DLAT: variants seen among roughly 807,000 people sequenced by gnomAD.
DLAT encodes dihydrolipoamide S-acetyltransferase.
Under a neutral mutation model 68.0 loss-of-function variants are expected in DLAT, and 43 were observed. That is an observed-to-expected ratio of 0.63 (90% confidence interval 0.50 to 0.81). The LOEUF is 0.81. Ranked by LOEUF, DLAT falls within the 40% of genes least tolerant of loss-of-function variation. The pLI is 0.00. For missense variants in DLAT, 745 were observed against 815.4 expected, an observed-to-expected ratio of 0.91 and a Z score of 1.05; for synonymous variants, 265 against 288.6, an observed-to-expected ratio of 0.92 and a Z score of 0.83.
intron 11 of DLAT, among the ~76,000 whole-genome samples, chr11:112,057,660 C>A (rs587680414): frequency 2.0e-5 from 3 of 152,090 alleles, no homozygotes; most frequent in Non-Finnish European, 4.4e-5. Context: ...GTGAGGAAGC[C>A]GCGTAACAGA....
Position 112,041,065 on chromosome 11 carries a change from C to G in DLAT, c.1129+1668C>G, listed in dbSNP as rs143452406. On this transcript the variant is annotated intron_variant, in intron 7 of 13. Transcript: ENST00000280346. ...ATTTCAGTTTCAGTTGCTTATATGACCAACAATAAAGAATTAAATGAACAG... is the reference window on the plus strand; with the variant it reads ...ATTTCAGTTTCAGTTGCTTATATGAGCAACAATAAAGAATTAAATGAACAG... Among the ~76,000 whole-genome samples the G allele has an allele frequency of 6.6e-3, 1,004 of 152,168 alleles. 3 individuals are homozygous for G. The highest frequency in any genetic ancestry group is 0.011 in the Non-Finnish European group (772 of 67,998).
chr11:112,059,289 G>A (rs893039786), intron 11 of DLAT, among the ~76,000 whole-genome samples: 1 of 151,952 alleles, frequency 6.6e-6, no homozygotes, highest in Non-Finnish European at 1.5e-5. Context: ...GGTCAAGGCA[G>A]ACGGCAGGGG....
At chr11:112,044,906 G>T (rs1386465227) in intron 8 of DLAT, among the ~76,000 whole-genome samples, 3 of 151,998 alleles carry the variant, frequency 2.0e-5, no homozygotes, top group Admixed American at 2.0e-4. Context: ...ATGTTGGCGT[G>T]CACCTGTAGT....
At chr11:112,040,385 G>GT (rs1259596296) in intron 7 of DLAT, among the ~76,000 whole-genome samples, 1 of 152,042 alleles carries the variant, frequency 6.6e-6, no homozygotes, top group Admixed American at 6.6e-5. Context: ...ACTCTTCAGG[G>GT]TTCTTCCTTC....
intron 6 of DLAT, among the ~76,000 whole-genome samples, chr11:112,037,747 C>G (rs1272931508): frequency 6.8e-6 from 1 of 148,130 alleles, no homozygotes; most frequent in Non-Finnish European, 1.5e-5. Flanking sequence ...AGATACCATG[C>G]TTGTGGAAAG....
At chr11:112,048,938 A>G (rs587643047) in intron 10 of DLAT, among the ~76,000 whole-genome samples, 2 of 150,920 alleles carry the variant, frequency 1.3e-5, no homozygotes, top group East Asian at 3.9e-4. Flanking sequence ...AAATCAGGAA[A>G]CGTGAGTCAT....
At chr11:112,032,514 T>A (rs1159640540) in intron 4 of DLAT, 1 of 152,174 alleles carries the variant, frequency 6.6e-6, no homozygotes, top group African/African-American at 2.4e-5. Context: ...TATGGAATGC[T>A]TCACGAATTT....
At chr11:112,039,152 GT>G in intron 6 of DLAT, 91 bp from the exon 7 acceptor site, 1 of 1,226,872 alleles carries the variant, frequency 8.2e-7, no homozygotes, top group Non-Finnish European at 1.1e-6. Flanking sequence ...AATTAAAATA[GT>G]TTTAATTTAT....
intron 6 of DLAT, among the ~76,000 whole-genome samples, chr11:112,038,301 C>T (rs1239865311): frequency 5.9e-5 from 9 of 151,930 alleles, no homozygotes; most frequent in Non-Finnish European, 8.8e-5. Context: ...CGGGTTCAAG[C>T]AATTCTCCTG....
At chr11:112,031,687 C>T (rs781936722) in intron 4 of DLAT, among the ~76,000 whole-genome samples, 2 of 152,024 alleles carry the variant, frequency 1.3e-5, no homozygotes, top group African/African-American at 2.4e-5. Flanking sequence ...CATCCTCCCA[C>T]CTCAGCCTCC....
chr11:112,059,195 G>GA (rs1241881542), intron 11 of DLAT, among the ~76,000 whole-genome samples: 1 of 152,038 alleles, frequency 6.6e-6, no homozygotes, highest in African/African-American at 2.4e-5. Flanking sequence ...TACTTGCAGA[G>GA]ACTCAACTGC....
chr11:112,035,790 C>CT (rs781796619), intron 5 of DLAT, among the ~76,000 whole-genome samples: 2,714 of 106,682 alleles, frequency 0.025, 158 homozygotes, highest in African/African-American at 0.084. Flanking sequence ...CGCACCCAGC[C>CT]TTTTTTTTTT....
chr11:112,059,694 T>G (rs1427978560), intron 11 of DLAT, among the ~76,000 whole-genome samples: 1 of 152,090 alleles, frequency 6.6e-6, no homozygotes, highest in African/African-American at 2.4e-5. Flanking sequence ...TTCCCGGACC[T>G]CTCTTTGATT....
At chr11:112,061,266 C>T (rs1304215499) in intron 13 of DLAT, 92 bp downstream of exon 13, 2 of 1,395,072 alleles carry the variant, frequency 1.4e-6, no homozygotes, top group Non-Finnish European at 2.0e-6. Context: ...GCTCCAGGAA[C>T]CCCCTCAAAT....
intron 11 of DLAT, among the ~76,000 whole-genome samples, chr11:112,057,247 A>G (rs1864152011): frequency 6.6e-6 from 1 of 152,168 alleles, no homozygotes; most frequent in Non-Finnish European, 1.5e-5. Flanking sequence ...TCCCTATTCC[A>G]TGAGACACAA....
intron 11 of DLAT, among the ~76,000 whole-genome samples, chr11:112,057,798 C>T (rs982113871): frequency 3.3e-5 from 5 of 152,132 alleles, no homozygotes; most frequent in Admixed American, 1.3e-4. Context: ...CCTCATCAGT[C>T]GGCAGCCATC....
chr11:112,038,981 C>CCA (rs1862915050), intron 6 of DLAT, among the ~76,000 whole-genome samples: 1 of 151,954 alleles, frequency 6.6e-6, no homozygotes, highest in South Asian at 2.1e-4. Context: ...CACTGATTGG[C>CCA]AATATTCAAT....
chr11:112,030,327 A>G (rs1862325272), intron 4 of DLAT: 8 of 518,730 alleles, frequency 1.5e-5, no homozygotes, highest in Admixed American at 1.3e-4. Context: ...GACATCAAAG[A>G]ACACCATGGG....
chr11:112,036,202 T>TGTGG (rs61074225), intron 5 of DLAT, among the ~76,000 whole-genome samples: 1 of 21,238 alleles, frequency 4.7e-5, no homozygotes, highest in African/African-American at 1.7e-4. Flanking sequence ...TGTGTGTGTG[T>TGTGG]TTTTTTTTTT....
Sources: gnomAD v4.1 joint callset for allele counts (sites outside exome capture counted in the v4.1 genomes callset) on GRCh38, gnomAD v4.1.1 for gene constraint, MANE v1.5 for transcripts, NCBI Gene and HGNC (gene_info 2026-07-23, HGNC 2026-07-21) for gene names.